KIAA1671: variants seen among roughly 807,000 people sequenced by gnomAD.
KIAA1671 encodes the protein uncharacterized protein KIAA1671.
Under a neutral mutation model 131.2 loss-of-function variants are expected in KIAA1671, and 52 were observed. The observed-to-expected ratio is 0.40, with a 90% CI of 0.32 to 0.50. KIAA1671 has a LOEUF of 0.50. KIAA1671 is among the 20% of genes least tolerant of loss of function. The pLI, the probability that KIAA1671 is intolerant of heterozygous loss-of-function variation, is 0.73. For synonymous variants in KIAA1671, 1,003 were observed against 961.6 expected, an observed-to-expected ratio of 1.04 and a Z score of -0.80; for missense variants, 2,360 against 2,364.2, an observed-to-expected ratio of 1.00 and a Z score of 0.04.
chr22:25,039,962 G>A lies in KIAA1671; in HGVS notation c.2832G>A (p.Met944Ile). The change falls in exon 5 of 13, where the codon ATG (methionine) becomes ATA (isoleucine). Residue 944 changes from methionine (M) to isoleucine (I), a missense_variant. Physicochemically the swap from Met to Ile is conservative, Grantham distance 10. Coordinates refer to ENST00000358431, the MANE Select transcript of KIAA1671 (RefSeq NM_001145206.2). ...MRKAGAMDQR[M>I]DRWRRRTLPP... ...AAGCCGGCGCCATGGACCAGAGAAT[G>A]GACAGATGGCGGCGGCGGACTTTAC... 5.2e-6 allele frequency: 8 copies of A among 1,551,312 alleles called. No individual in the cohort carries two copies. The South Asian group carries it at 9.5e-5, about 18-fold the overall frequency.
intron 6 of KIAA1671, among the ~76,000 whole-genome samples, chr22:25,106,542 C>T (rs537190826): frequency 3.9e-5 from 6 of 152,240 alleles, no homozygotes; most frequent in South Asian, 2.1e-4. Context: ...ACTTGTTCAC[C>T]GTCACACAGC....
At chr22:25,180,180 T>C (rs1173390091) in intron 9 of KIAA1671, among the ~76,000 whole-genome samples, 2 of 152,186 alleles carry the variant, frequency 1.3e-5, no homozygotes, top group Non-Finnish European at 2.9e-5. Flanking sequence ...GGCCAGATCA[T>C]GGAGATCCCT....
intron 5 of KIAA1671, among the ~76,000 whole-genome samples, chr22:25,048,632 C>T (rs1927367714): frequency 1.3e-5 from 2 of 152,050 alleles, no homozygotes; most frequent in South Asian, 4.2e-4. Flanking sequence ...GAATGTTTCC[C>T]CTATATATAA....
chr22:25,026,989 C>T (rs1925981181), intron 2 of KIAA1671, among the ~76,000 whole-genome samples: 2 of 152,068 alleles, frequency 1.3e-5, no homozygotes, highest in Admixed American at 6.5e-5. Context: ...ATGGGGTCTC[C>T]TAATTGTACC....
At chr22:25,098,357 A>T (rs1183987890) in intron 6 of KIAA1671, among the ~76,000 whole-genome samples, 1 of 151,984 alleles carries the variant, frequency 6.6e-6, no homozygotes, top group East Asian at 1.9e-4. Context: ...TTCAACAAAG[A>T]CTTACCGAAT....
chr22:24,979,888 G>C (rs982204457), intron 1 of KIAA1671, among the ~76,000 whole-genome samples: 1 of 151,820 alleles, frequency 6.6e-6, no homozygotes, highest in Non-Finnish European at 1.5e-5. Context: ...ACAGTATTTG[G>C]CCTTTTGTGA....
chr22:25,149,009 G>A (rs925323322), intron 6 of KIAA1671, among the ~76,000 whole-genome samples: 2 of 152,108 alleles, frequency 1.3e-5, no homozygotes, highest in East Asian at 3.9e-4. Flanking sequence ...CTTGGGCTTG[G>A]TGTCTCCTGC....
At chr22:25,033,826 C>T (rs1337419400) in intron 4 of KIAA1671, among the ~76,000 whole-genome samples, 7 of 151,862 alleles carry the variant, frequency 4.6e-5, no homozygotes, top group Middle Eastern at 3.4e-3. Context: ...GTGATCTGCC[C>T]GCTTCGGCCT....
intron 1 of KIAA1671, among the ~76,000 whole-genome samples, chr22:25,025,393 A>G (rs1925891542): frequency 6.6e-6 from 1 of 152,176 alleles, no homozygotes; most frequent in Non-Finnish European, 1.5e-5. Context: ...TACACACCGT[A>G]GGTGCTTAAT....
At chr22:25,126,572 G>A (rs1459064926) in intron 6 of KIAA1671, among the ~76,000 whole-genome samples, 1 of 152,194 alleles carries the variant, frequency 6.6e-6, no homozygotes, top group Non-Finnish European at 1.5e-5. Context: ...GCATGAGGTT[G>A]GTGTGGAATT....
At chr22:24,987,769 G>A (rs935406306) in intron 1 of KIAA1671, among the ~76,000 whole-genome samples, 2 of 152,220 alleles carry the variant, frequency 1.3e-5, no homozygotes, top group African/African-American at 2.4e-5. Flanking sequence ...ATGACAGCTA[G>A]TCTGATAGAC....
intron 1 of KIAA1671, among the ~76,000 whole-genome samples, chr22:24,990,671 G>C (rs1257111042): frequency 6.6e-6 from 1 of 152,238 alleles, no homozygotes; most frequent in Non-Finnish European, 1.5e-5. Context: ...GCAGGCACCT[G>C]CTCACGTCCT....
intron 6 of KIAA1671, among the ~76,000 whole-genome samples, chr22:25,072,046 C>G (rs6519551): frequency 0.24 from 36,580 of 152,016 alleles, 5,056 homozygotes; most frequent in African/African-American, 0.38. Flanking sequence ...TGCCTAGGAG[C>G]TGGCAGTTGA....
At chr22:25,152,426 T>C (rs1416950363) in intron 6 of KIAA1671, among the ~76,000 whole-genome samples, 1 of 141,214 alleles carries the variant, frequency 7.1e-6, no homozygotes, top group African/African-American at 2.7e-5. Flanking sequence ...TGAGCACATG[T>C]GTACACACAA....
In KIAA1671 at chr22:25,040,327, C is replaced by T. The variant is rs964741956; in HGVS notation, c.3197C>T (p.Ser1066Phe). 1.2e-5 allele frequency: 19 copies of T among 1,551,674 alleles called. No homozygotes were observed. The highest frequency in any genetic ancestry group is 7.8e-5 in the Admixed American group (4 of 50,996). ...RKITPPSSPH[S>F]LTSTLVSLGH... ...ATCACTCCACCCTCGTCTCCTCATT[C>T]TTTAACATCCACTTTGGTTTCTCTT... Residue 1066 changes from serine to phenylalanine, a missense_variant, in exon 5 of 13, where the codon TCT (serine) becomes TTT (phenylalanine). Physicochemically the swap from Ser to Phe is radical, Grantham distance 155. Transcript: ENST00000358431.
intron 6 of KIAA1671, among the ~76,000 whole-genome samples, chr22:25,091,369 A>AT (rs1470802409): frequency 6.6e-6 from 1 of 152,092 alleles, no homozygotes; most frequent in Non-Finnish European, 1.5e-5. Flanking sequence ...GGTCCATTCT[A>AT]TTTCAAGCAA....
At chr22:25,174,588 T>C (rs1933962225) in intron 8 of KIAA1671, 99 bp downstream of exon 8, 1 of 1,359,210 alleles carries the variant, frequency 7.4e-7, no homozygotes. Flanking sequence ...CAGGGACCCT[T>C]GGAGTGGGTA....
chr22:24,964,409 C>G (rs1416126624), intron 1 of KIAA1671, among the ~76,000 whole-genome samples: 2 of 151,902 alleles, frequency 1.3e-5, no homozygotes, highest in Non-Finnish European at 2.9e-5. Context: ...CTGTGCTCAT[C>G]ATTTTCCTAT....
intron 6 of KIAA1671, among the ~76,000 whole-genome samples, chr22:25,149,026 C>T (rs1021948043): frequency 6.6e-6 from 1 of 152,144 alleles, no homozygotes; most frequent in African/African-American, 2.4e-5. Context: ...CTGCTGGTTT[C>T]AAAGAGACAC....
Sources: allele counts gnomAD v4.1 joint callset (sites outside exome capture counted in the v4.1 genomes callset), GRCh38; gene constraint gnomAD v4.1.1; transcripts MANE v1.5; gene names NCBI Gene and HGNC (gene_info 2026-07-23, HGNC 2026-07-21).